Variants in BST1 observed in about 807,000 individuals in gnomAD.
The protein encoded by BST1 is ADP-ribosyl cyclase/cyclic ADP-ribose hydrolase 2.
A neutral mutation model predicts 40.6 loss-of-function variants in BST1; 49 were observed. The observed-to-expected ratio is 1.21, with a 90% CI of 0.96 to 1.53. The LOEUF is 1.53. BST1 is among the 40% of genes most tolerant of loss of function. The pLI, the probability that BST1 is intolerant of heterozygous loss-of-function variation, is 0.00. For synonymous variants in BST1, 157 were observed against 159.3 expected, an observed-to-expected ratio of 0.99 and a Z score of 0.11; for missense variants, 423 against 395.9, an observed-to-expected ratio of 1.07 and a Z score of -0.58.
At chr4:15,707,874 T>TATATAC (rs770334326) in intron 3 of BST1, among the ~76,000 whole-genome samples, 2 of 142,464 alleles carry the variant, frequency 1.4e-5, no homozygotes, top group Admixed American at 7.0e-5. Flanking sequence ...TATATATATA[T>TATATAC]ACACATATAT....
At chr4:15,741,585 A>T (rs1033771028), downstream of BST1, among the ~76,000 whole-genome samples, 1 of 152,202 alleles carries the variant, frequency 6.6e-6, no homozygotes, top group Non-Finnish European at 1.5e-5. Context: ...GCAGGGGCCC[A>T]TTCTGGCTTT....
At chr4:15,704,720 G>A (rs1186794902) in intron 1 of BST1, among the ~76,000 whole-genome samples, 1 of 152,120 alleles carries the variant, frequency 6.6e-6, no homozygotes, top group Admixed American at 6.5e-5. Context: ...CCCAGAATGT[G>A]ATCTCAGGTT....
At chr4:15,716,498 C>T (rs1262680092) in intron 6 of BST1, among the ~76,000 whole-genome samples, 1 of 152,174 alleles carries the variant, frequency 6.6e-6, no homozygotes, top group Admixed American at 6.5e-5. Flanking sequence ...GTATTACTAA[C>T]CCCAAGGAGT....
downstream of BST1, among the ~76,000 whole-genome samples, chr4:15,735,675 G>T (rs528558563): frequency 6.6e-6 from 1 of 152,276 alleles, no homozygotes; most frequent in Non-Finnish European, 1.5e-5. Context: ...GTTTGTCTCA[G>T]GACCGTCTGG....
chr4:15,705,768 C>T, intron 2 of BST1, 127 bp downstream of exon 2: 2 of 1,277,162 alleles, frequency 1.6e-6, no homozygotes, highest in Non-Finnish European at 2.2e-6. Context: ...AGGCAGCACA[C>T]ATAATGTGTG....
Position 15,703,189 on chromosome 4 carries a change from G to GC in BST1, c.46dup (p.Leu16ProfsTer60), listed in dbSNP as rs1560274205. 23 of 1,559,410 alleles carry GC rather than the reference G, an allele frequency of 1.5e-5. No individual in the cohort carries two copies. The highest frequency in any genetic ancestry group is 2.0e-5 in the Non-Finnish European group (23 of 1,153,290). On this transcript the variant is annotated frameshift_variant, in exon 1 of 9. Coordinates refer to ENST00000265016, the MANE Select transcript of BST1 (RefSeq NM_004334.3). LOFTEE classifies it high-confidence loss of function. ...CGGCATCGCGGCTGCTCCAGCTGCT[G>GC]CTGCAGCTTCTGCTTCTACTGTTGC... is the stretch of plus-strand genomic sequence containing the variant.
chr4:15,704,481 G>A lies in BST1; in HGVS notation c.189-1034G>A, dbSNP rs1296106709. 4.7e-5 allele frequency among the ~76,000 whole-genome samples: 7 copies of A among 149,642 alleles called. No homozygotes were observed. In the South Asian group the frequency reaches 1.3e-3, roughly 27 times the overall value. The stretch of plus-strand genomic sequence containing the variant: ...GTGTGTGTGTTTGTTCTAGAGGTGA[G>A]GGGTGTGTGTGTGTAGTCTAGAGGT... On this transcript the variant is annotated intron_variant, in intron 1 of 8. Transcript: ENST00000265016.
intron 3 of BST1, among the ~76,000 whole-genome samples, chr4:15,710,800 T>C (rs1720158338): frequency 6.6e-6 from 1 of 152,198 alleles, no homozygotes; most frequent in African/African-American, 2.4e-5. Context: ...TTCTTTCTTT[T>C]TTTTTTTGAA....
intron 6 of BST1, among the ~76,000 whole-genome samples, chr4:15,718,588 G>A (rs549407239): frequency 1.2e-3 from 188 of 152,326 alleles, no homozygotes; most frequent in African/African-American, 4.3e-3. Context: ...AGCCCCTGGA[G>A]CACATTGCAG....
At chr4:15,707,911 ATATC>A (rs1719987334) in intron 3 of BST1, among the ~76,000 whole-genome samples, 1 of 150,538 alleles carries the variant, frequency 6.6e-6, no homozygotes, top group Admixed American at 6.6e-5. Context: ...ATATCTATAC[ATATC>A]TATATCTATA....
intron 7 of BST1, among the ~76,000 whole-genome samples, chr4:15,721,841 T>C (rs564001043): frequency 5.3e-5 from 8 of 152,162 alleles, no homozygotes; most frequent in African/African-American, 1.9e-4. Context: ...AAGTAGACAC[T>C]ACTGAAAGGT....
intron 3 of BST1, among the ~76,000 whole-genome samples, chr4:15,709,690 G>C (rs994168195): frequency 4.6e-5 from 7 of 152,156 alleles, no homozygotes; most frequent in African/African-American, 1.4e-4. Flanking sequence ...GTGAAGTCCA[G>C]CAGTTCAGGT....
At chr4:15,705,929 C>T (rs113790878) in intron 2 of BST1, among the ~76,000 whole-genome samples, 9 of 152,280 alleles carry the variant, frequency 5.9e-5, no homozygotes, top group African/African-American at 2.2e-4. Flanking sequence ...ATGGCAACAT[C>T]TACTTCTGGG....
At chr4:15,744,257 A>C in the BST1 span, among the ~76,000 whole-genome samples, 3 of 152,156 alleles carry the variant, frequency 2.0e-5, no homozygotes, top group Non-Finnish European at 4.4e-5. Flanking sequence ...GAGCAGCTCG[A>C]GACTGGGTAA....
rs34681185 is a variant in BST1 at position 15,713,206 on chromosome 4, CTT to C, written c.534+1337_534+1338del. Among the ~76,000 whole-genome samples the C allele has an allele frequency of 1.9e-3, 214 of 114,734 alleles. 3 individuals carry two copies. The East Asian group carries it at 0.041, about 22-fold the overall frequency. 75.3% of individuals were successfully genotyped at this position (114,734 alleles called of 152,430 possible). On this transcript the variant is annotated intron_variant, in intron 4 of 8. Transcript: ENST00000265016. ...CAGTCATTATTTTAAATATTTTCAT[CTT>C]TTTTTTTTTTTTTTTTTTTGAGACG...
downstream of BST1, chr4:15,743,059 G>A (rs977464975): frequency 6.5e-6 from 1 of 153,170 alleles, no homozygotes; most frequent in African/African-American, 2.4e-5. Flanking sequence ...TTAAGGTACA[G>A]TGAAAGGATG....
At chr4:15,710,795 T>C (rs915910274) in intron 3 of BST1, among the ~76,000 whole-genome samples, 1 of 152,104 alleles carries the variant, frequency 6.6e-6, no homozygotes, top group African/African-American at 2.4e-5. Context: ...ATATTTTCTT[T>C]CTTTTTTTTT....
chr4:15,734,209 G>A (rs1721483352), downstream of BST1, among the ~76,000 whole-genome samples: 1 of 152,208 alleles, frequency 6.6e-6, no homozygotes, highest in Non-Finnish European at 1.5e-5. Flanking sequence ...AGGAGGCGCT[G>A]ACTGCAAAGT....
At chr4:15,772,240 T>C in the BST1 span, among the ~76,000 whole-genome samples, 1 of 152,194 alleles carries the variant, frequency 6.6e-6, no homozygotes, top group Non-Finnish European at 1.5e-5. Flanking sequence ...CTATAATTCC[T>C]AATGGTTCAG....
Sources: gnomAD v4.1 joint callset for allele counts (sites outside exome capture counted in the v4.1 genomes callset) on GRCh38, gnomAD v4.1.1 for gene constraint, MANE v1.5 for transcripts, NCBI Gene and HGNC (gene_info 2026-07-23, HGNC 2026-07-21) for gene names.